The following ALG1L2 variants were observed in gnomAD, a reference collection of about 807,000 sequenced individuals.
ALG1L2 encodes putative glycosyltransferase ALG1L2.
A neutral mutation model predicts 29.0 loss-of-function variants in ALG1L2; 32 were observed. That is an observed-to-expected ratio of 1.10 (90% CI 0.83 to 1.48). The LOEUF is 1.48. Ranked by LOEUF, ALG1L2 falls within the 40% of genes most tolerant of loss-of-function variation. The probability of loss-of-function intolerance (pLI) is 0.00; values close to 1 mark genes in which losing one functional copy is unlikely to be tolerated. For missense variants in ALG1L2, 318 were observed against 274.1 expected, an observed-to-expected ratio of 1.16 and a Z score of -1.13; for synonymous variants, 110 against 109.5, an observed-to-expected ratio of 1.00 and a Z score of -0.03.
chr3:130,085,230 G>C (rs1420518688), intron 1 of ALG1L2, among the ~76,000 whole-genome samples: 1 of 144,956 alleles, frequency 6.9e-6, no homozygotes, highest in African/African-American at 2.5e-5. Context: ...AAACTGCCAA[G>C]ATTACAGACG....
At chr3:130,094,063 A>G (rs1935077468) in intron 4 of ALG1L2, 1 of 333,548 alleles carries the variant, frequency 3.0e-6, no homozygotes, top group Non-Finnish European at 5.8e-6. Context: ...GCCAGGGCAG[A>G]GGGAGTCCTC....
intron 1 of ALG1L2, among the ~76,000 whole-genome samples, chr3:130,087,461 G>A (rs114486801): frequency 0.027 from 4,028 of 146,892 alleles, no homozygotes; most frequent in African/African-American, 0.09. Context: ...TTGCTCCAAT[G>A]TACATCATTG....
chr3:130,083,869 C>T, intron 1 of ALG1L2, among the ~76,000 whole-genome samples: 1 of 148,782 alleles, frequency 6.7e-6, no homozygotes, highest in South Asian at 2.1e-4. Flanking sequence ...GGGGATTTAG[C>T]CATAAAATCA....
intron 1 of ALG1L2, among the ~76,000 whole-genome samples, chr3:130,086,604 G>C (rs1382144339): frequency 6.7e-6 from 1 of 149,776 alleles, no homozygotes; most frequent in African/African-American, 2.4e-5. Flanking sequence ...TTGAGCCCAG[G>C]AGGTCAAGGC....
rs181215475 is a variant in ALG1L2 at position 130,082,467 on chromosome 3, A to T, written c.20+431A>T. Among the ~76,000 whole-genome samples, 185 of 133,116 alleles carry T rather than the reference A, an allele frequency of 1.4e-3. 4 individuals carry two copies. Among genetic ancestry groups the T allele is most frequent in the African/African-American group, 3.9e-3 (154 of 39,510 alleles). 87.3% of individuals were successfully genotyped at this position (133,116 alleles called of 152,430 possible). A position where few individuals can be genotyped will look rare whatever the true frequency, so the allele number is the denominator to read the frequency against. ...ATTCTCCTGCCTCAGCCTCCCAAGT[A>T]GCTGGGACTACAGCCACCTGCCACC... is the stretch of plus-strand genomic sequence containing the variant. On this transcript the variant is annotated intron_variant, in intron 1 of 7. Coordinates refer to ENST00000425059, the MANE Select transcript of ALG1L2 (RefSeq NM_001136152.1).
At chr3:130,091,537 C>T (rs1164311452) in intron 2 of ALG1L2, among the ~76,000 whole-genome samples, 166 bp downstream of exon 2, 2 of 152,264 alleles carry the variant, frequency 1.3e-5, no homozygotes, top group Non-Finnish European at 2.9e-5. Flanking sequence ...ACAACACACT[C>T]ATTAACTTCT....
intron 3 of ALG1L2, 148 bp downstream of exon 3, chr3:130,092,370 T>C (rs1935036888): frequency 1.8e-5 from 28 of 1,599,594 alleles, no homozygotes; most frequent in South Asian, 3.3e-5. Flanking sequence ...GAGTGGTGTC[T>C]AGAAACAGGC....
At chr3:130,084,522 CTAA>C (rs2108114166) in intron 1 of ALG1L2, among the ~76,000 whole-genome samples, 1 of 113,018 alleles carries the variant, frequency 8.8e-6, no homozygotes, top group Non-Finnish European at 2.0e-5. Context: ...TAAAAAGAAG[CTAA>C]AATGAAGACA....
rs147701379 is a variant in ALG1L2, at chr3:130,094,151, G to A, written c.314-252G>A. ...CGCGTGCCAGGCCAGTGCTTACCCC[G>A]CCTTGTTTGCAGCCCGAGGCCAGCT... On this transcript the variant is annotated intron_variant, in intron 4 of 7. Coordinates refer to ENST00000425059, the MANE Select transcript of ALG1L2 (RefSeq NM_001136152.1). The A allele has an allele frequency of 2.7e-4, 140 of 527,470 alleles. 1 individual carries two copies. In the East Asian group the frequency reaches 4.3e-3, roughly 16 times the overall value. The allele number at this position is 527,470 out of a possible 1,614,324, so 32.7% of individuals were successfully genotyped here.
At chr3:130,098,169 G>T (rs1304114976) in intron 7 of ALG1L2, 54 bp from the exon 8 acceptor site, 1 of 1,595,138 alleles carries the variant, frequency 6.3e-7, no homozygotes, top group East Asian at 2.2e-5. Flanking sequence ...GGTCATCCAG[G>T]TGGTGACCTG....
chr3:130,090,231 C>G (rs1311406476), intron 1 of ALG1L2, among the ~76,000 whole-genome samples: 1 of 152,302 alleles, frequency 6.6e-6, no homozygotes, highest in South Asian at 2.1e-4. Flanking sequence ...TGGTGGGTGC[C>G]TGAAATCCCA....
intron 1 of ALG1L2, among the ~76,000 whole-genome samples, chr3:130,090,142 G>A (rs1011008279): frequency 6.6e-6 from 1 of 152,298 alleles, no homozygotes; most frequent in African/African-American, 2.4e-5. Context: ...GATTACCTGA[G>A]GTCAGCAGTT....
chr3:130,095,618 T>G (rs1158934982), intron 5 of ALG1L2, among the ~76,000 whole-genome samples: 1 of 151,290 alleles, frequency 6.6e-6, no homozygotes, highest in African/African-American at 2.4e-5. Context: ...ACATTTTTTT[T>G]TTTAGTAGAG....
chr3:130,098,318 A>T lies in ALG1L2; in HGVS notation c.*63A>T. ...CGGGAGTCGCAGCAGCTCTGATGGG[A>T]TGAGAGCTGGGTGCAGACTGTGCTC... On this transcript the variant is annotated 3_prime_UTR_variant, in exon 8 of 8. Coordinates refer to ENST00000425059, the MANE Select transcript of ALG1L2 (RefSeq NM_001136152.1). 13 of 1,596,424 alleles carry T rather than the reference A, an allele frequency of 8.1e-6. No individual in the cohort carries two copies. Among genetic ancestry groups the T allele is most frequent in the Non-Finnish European group, 1.1e-5 (13 of 1,179,772 alleles).
chr3:130,093,066 A>G lies in ALG1L2; in HGVS notation c.254-35A>G, dbSNP rs559006240. 15 of 1,544,880 alleles carry G rather than the reference A, an allele frequency of 9.7e-6. No homozygotes were observed. In the African/African-American group the frequency reaches 2.0e-4, roughly 20 times the overall value. ...AAAAAAAAAAAAAATTAAATCAGAAATTCCATGTAGAATTGTTTCTTTTTT... is the reference window on the plus strand; with the variant it reads ...AAAAAAAAAAAAAATTAAATCAGAAGTTCCATGTAGAATTGTTTCTTTTTT... On this transcript the variant is annotated intron_variant, in intron 3 of 7. Transcript: ENST00000425059.
intron 6 of ALG1L2, among the ~76,000 whole-genome samples, chr3:130,096,812 GAA>G (rs1411163315): frequency 6.6e-6 from 1 of 152,200 alleles, no homozygotes; most frequent in Non-Finnish European, 1.5e-5. Context: ...TGGTGTCCTA[GAA>G]AAGTCATCTT....
chr3:130,093,721 G>A (rs1212663144), intron 4 of ALG1L2, among the ~76,000 whole-genome samples: 1 of 152,178 alleles, frequency 6.6e-6, no homozygotes, highest in African/African-American at 2.4e-5. Flanking sequence ...ACTGTGCCCG[G>A]CCATGTCATT....
At chr3:130,082,671 G>A (rs1316725711) in intron 1 of ALG1L2, among the ~76,000 whole-genome samples, 2 of 146,326 alleles carry the variant, frequency 1.4e-5, no homozygotes, top group African/African-American at 4.9e-5. Context: ...ATCCAATGGG[G>A]CAATAGAACA....
chr3:130,082,219 G>A (rs533249105), intron 1 of ALG1L2, among the ~76,000 whole-genome samples, 183 bp downstream of exon 1: 2 of 147,676 alleles, frequency 1.4e-5, no homozygotes, highest in Admixed American at 6.9e-5. Flanking sequence ...TGGAAATTGA[G>A]ATGAATTCAT....
Sources: gnomAD v4.1 joint callset for allele counts (sites outside exome capture counted in the v4.1 genomes callset) on GRCh38, gnomAD v4.1.1 for gene constraint, MANE v1.5 for transcripts, NCBI Gene and HGNC (gene_info 2026-07-23, HGNC 2026-07-21) for gene names.